DENND4C: variants seen among roughly 807,000 people sequenced by gnomAD.
DENND4C encodes DENN domain-containing protein 4C.
A neutral mutation model predicts 203.0 loss-of-function variants in DENND4C; 108 were observed. That is an observed-to-expected ratio of 0.53 (90% CI 0.46 to 0.62). The LOEUF is 0.62. DENND4C is among the 20% of genes least tolerant of loss of function. DENND4C has a pLI of 0.00. For synonymous variants in DENND4C, 871 were observed against 792.4 expected, an observed-to-expected ratio of 1.10 and a Z score of -1.67; for missense variants, 2,481 against 2,301.2, an observed-to-expected ratio of 1.08 and a Z score of -1.60.
chr9:19,320,072 C>T (rs574617064), intron 12 of DENND4C, among the ~76,000 whole-genome samples: 121 of 151,922 alleles, frequency 8.0e-4, no homozygotes, highest in African/African-American at 2.8e-3. Context: ...ACGTAAGCCA[C>T]ATATAAAATT....
intron 22 of DENND4C, 40 bp from the exon 23 acceptor site, chr9:19,345,881 G>A (rs1215577993): frequency 2.0e-6 from 3 of 1,479,314 alleles, no homozygotes; most frequent in Non-Finnish European, 2.7e-6. Flanking sequence ...AGTTAACTTG[G>A]AAAATAGGTT....
chr9:19,287,214 G>A (rs1020118272), intron 3 of DENND4C, among the ~76,000 whole-genome samples, 193 bp downstream of exon 3: 1 of 152,162 alleles, frequency 6.6e-6, no homozygotes, highest in Middle Eastern at 3.4e-3. Flanking sequence ...TCATCTTTAA[G>A]TCAGGGATAT....
chr9:19,302,873 C>T (rs1838876532), intron 9 of DENND4C, among the ~76,000 whole-genome samples: 2 of 152,186 alleles, frequency 1.3e-5, no homozygotes, highest in Admixed American at 6.5e-5. Flanking sequence ...CTAAATCTCT[C>T]ACCTTCTTCA....
In DENND4C at chr9:19,326,632, G is replaced by T. The variant is rs534828224; in HGVS notation, c.2120+438G>T. ...CTTTTAAGAAATTAGAATGGATTTT[G>T]TAGTTTTTTTATTGCTATAAATTTA... On this transcript the variant is annotated intron_variant, in intron 15 of 32. Transcript: ENST00000434457. Among the ~76,000 whole-genome samples the T allele has an allele frequency of 6.6e-5, 10 of 152,162 alleles. No individual in the cohort carries two copies. The South Asian group carries it at 2.1e-3, about 32-fold the overall frequency.
At chr9:19,365,245 T>C (rs1287880092) in intron 30 of DENND4C, among the ~76,000 whole-genome samples, 1 of 152,212 alleles carries the variant, frequency 6.6e-6, no homozygotes, top group African/African-American at 2.4e-5. Flanking sequence ...AATTGTGGTT[T>C]AACATTTGAA....
rs1194193447 is a variant in DENND4C, at chr9:19,346,147, C to T, written c.3378C>T (p.Ala1126=). 3.7e-6 allele frequency: 6 copies of T among 1,614,028 alleles called. No individual in the cohort carries two copies. The South Asian group carries it at 5.5e-5, about 15-fold the overall frequency. ...SEMAIMMGAD[A]KILTAALTCP... is the part of the protein sequence containing the mutation. The stretch of plus-strand genomic sequence containing the variant: ...TGGCTATCATGATGGGAGCAGATGC[C>T]AAGATTCTCACAGCAGCATTGACAT... The change falls in exon 23 of 33, where the codon GCC becomes GCT. Residue 1126 remains alanine (A), a synonymous_variant. Coordinates refer to ENST00000434457, the MANE Select transcript of DENND4C (RefSeq NM_001330640.2).
At chr9:19,335,846 T>C (rs866931533) in intron 18 of DENND4C, among the ~76,000 whole-genome samples, 1 of 152,202 alleles carries the variant, frequency 6.6e-6, no homozygotes, top group Non-Finnish European at 1.5e-5. Context: ...TTCAATATAC[T>C]GATTTCATTT....
chr9:19,316,817 T>C lies in DENND4C; in HGVS notation c.1785T>C (p.Ala595=). 6.2e-7 allele frequency: 1 copy of C among 1,613,480 alleles called. No individual in the cohort carries two copies. Among genetic ancestry groups the C allele is most frequent in the Non-Finnish European group, 8.5e-7 (1 of 1,179,798 alleles). The part of the protein sequence containing the change: ...TEAPSNKATA[A]DSLFDRQGFL... ...CTCCTTCAAATAAAGCCACAGCTGC[T>C]GATTCATTGTTTGACCGACAGGGTG... Residue 595 remains alanine (A), a synonymous_variant, in exon 12 of 33, where the codon GCT becomes GCC. Coordinates refer to ENST00000434457, the MANE Select transcript of DENND4C (RefSeq NM_001330640.2).
At chr9:19,327,898 A>C (rs958976370) in intron 15 of DENND4C, 132 bp from the exon 16 acceptor site, 14 of 898,670 alleles carry the variant, frequency 1.6e-5, no homozygotes, top group Non-Finnish European at 2.2e-5. Flanking sequence ...TTGAAAAAGT[A>C]TTTTTTCTAT....
chr9:19,230,968 GT>G (rs1460631511), intron 1 of DENND4C, 135 bp downstream of exon 1: 1 of 152,352 alleles, frequency 6.6e-6, no homozygotes, highest in Non-Finnish European at 1.5e-5. Context: ...CCCGCGGGGG[GT>G]CGCCGAGGAG....
chr9:19,256,915 A>C (rs973206609), intron 1 of DENND4C, among the ~76,000 whole-genome samples: 4 of 151,868 alleles, frequency 2.6e-5, no homozygotes, highest in African/African-American at 9.7e-5. Flanking sequence ...CTAAAAATAC[A>C]AAAAATTAGC....
intron 16 of DENND4C, among the ~76,000 whole-genome samples, chr9:19,331,168 C>G (rs1819054097): frequency 6.6e-6 from 1 of 151,354 alleles, no homozygotes; most frequent in Non-Finnish European, 1.5e-5. Context: ...GACTATCAAA[C>G]TATTAGGAAA....
chr9:19,356,481 T>G (rs1825419521), intron 26 of DENND4C, among the ~76,000 whole-genome samples: 3 of 151,914 alleles, frequency 2.0e-5, no homozygotes, highest in Admixed American at 6.6e-5. Context: ...AGGAGAGAGA[T>G]AAGATGTAAA....
chr9:19,275,386 G>T (rs922483235), intron 1 of DENND4C, among the ~76,000 whole-genome samples: 1 of 147,686 alleles, frequency 6.8e-6, no homozygotes, highest in African/African-American at 2.5e-5. Context: ...TCCGCCTTCC[G>T]GGGTCGAGCG....
intron 8 of DENND4C, among the ~76,000 whole-genome samples, chr9:19,299,733 C>T (rs73645587): frequency 6.6e-6 from 1 of 152,120 alleles, no homozygotes; most frequent in African/African-American, 2.4e-5. Context: ...CTTTATCCAC[C>T]CTGTAGCCAG....
chr9:19,367,135 C>T (rs1827838964), intron 30 of DENND4C, among the ~76,000 whole-genome samples: 1 of 152,028 alleles, frequency 6.6e-6, no homozygotes, highest in African/African-American at 2.4e-5. Flanking sequence ...AAATCAAAAC[C>T]ACAAGGAAAT....
chr9:19,298,632 C>T (rs1837931961), intron 7 of DENND4C, among the ~76,000 whole-genome samples: 1 of 152,076 alleles, frequency 6.6e-6, no homozygotes, highest in South Asian at 2.1e-4. Context: ...TGATCACATG[C>T]TTGGATATAG....
At chr9:19,316,578 A>G in intron 11 of DENND4C, 43 bp from the exon 12 acceptor site, 1 of 1,603,218 alleles carries the variant, frequency 6.2e-7, no homozygotes, top group Non-Finnish European at 8.5e-7. Flanking sequence ...ATTCTTCTTA[A>G]ATTTAACATA....
intron 2 of DENND4C, among the ~76,000 whole-genome samples, chr9:19,283,982 T>C (rs1291398850): frequency 1.3e-5 from 2 of 152,246 alleles, no homozygotes; most frequent in Non-Finnish European, 2.9e-5. Flanking sequence ...TCAACTGATT[T>C]GTTTCTCCAG....
Sources: gnomAD v4.1 joint callset for allele counts (sites outside exome capture counted in the v4.1 genomes callset) on GRCh38, gnomAD v4.1.1 for gene constraint, MANE v1.5 for transcripts, NCBI Gene and HGNC (gene_info 2026-07-23, HGNC 2026-07-21) for gene names.